Variants in NAALAD2 observed in about 807,000 individuals in gnomAD.
NAALAD2 encodes N-acetylated alpha-linked acidic dipeptidase 2.
In NAALAD2, 89 loss-of-function variants were observed where a neutral mutation model predicts 95.6. The observed-to-expected ratio is 0.93, with a 90% confidence interval of 0.78 to 1.11. NAALAD2 has a LOEUF of 1.11. Among genes scored for constraint, NAALAD2 ranks in the 50% least tolerant of loss-of-function variants. The probability of loss-of-function intolerance (pLI) is 0.00; values close to 1 mark genes in which losing one functional copy is unlikely to be tolerated. For missense variants in NAALAD2, 894 were observed against 872.4 expected, an observed-to-expected ratio of 1.02 and a Z score of -0.31; for synonymous variants, 264 against 294.4, an observed-to-expected ratio of 0.90 and a Z score of 1.06.
chr11:90,155,340 A>ATTATATATAATATATAATGTATAAT (rs1952039606), intron 6 of NAALAD2, among the ~76,000 whole-genome samples: 1 of 106,276 alleles, frequency 9.4e-6, no homozygotes, highest in East Asian at 3.0e-4. Flanking sequence ...GTATAATTAT[A>ATTATATATAATATATAATGTATAAT]TATATTATAT....
At chr11:90,139,655 C>T (rs1415441026) in intron 2 of NAALAD2, among the ~76,000 whole-genome samples, 1 of 152,076 alleles carries the variant, frequency 6.6e-6, no homozygotes, top group East Asian at 1.9e-4. Flanking sequence ...CTTTACCTTC[C>T]TTTTGCTTTA....
intron 18 of NAALAD2, among the ~76,000 whole-genome samples, chr11:90,184,749 G>C (rs1857076118): frequency 1.3e-5 from 2 of 151,908 alleles, no homozygotes; most frequent in South Asian, 4.2e-4. Flanking sequence ...TCAATGTTGA[G>C]TTTGGTGTAA....
chr11:90,143,139 A>G, intron 2 of NAALAD2, among the ~76,000 whole-genome samples: 1 of 152,120 alleles, frequency 6.6e-6, no homozygotes, highest in East Asian at 1.9e-4. Flanking sequence ...TAAAGTTAAA[A>G]TTAGTATTTC....
Position 90,158,250 on chromosome 11 carries a change from T to C in NAALAD2, c.890+12T>C, listed in dbSNP as rs1463089954. On this transcript the variant is annotated intron_variant, in intron 7 of 18. Transcript: ENST00000534061. ...GAAATATTATTACGGTATAGTTTTC[T>C]TGTTGGATATGAGATTAAGATATTT... The C allele has an allele frequency of 6.3e-7, 1 of 1,575,370 alleles. No individual in the cohort carries two copies. Among genetic ancestry groups the C allele is most frequent in the Non-Finnish European group, 8.7e-7 (1 of 1,146,166 alleles).
At chr11:90,180,864 T>C (rs537801273) in intron 16 of NAALAD2, among the ~76,000 whole-genome samples, 1 of 152,228 alleles carries the variant, frequency 6.6e-6, no homozygotes, top group East Asian at 1.9e-4. Context: ...TTTGTTGTGC[T>C]CTGAGCACTA....
Position 90,175,967 on chromosome 11 carries a change from T to C in NAALAD2, c.1503-5T>C. 2 of 1,573,208 alleles carry C rather than the reference T, an allele frequency of 1.3e-6. No individual in the cohort carries two copies. The highest frequency in any genetic ancestry group is 1.7e-6 in the Non-Finnish European group (2 of 1,144,340). ...GTGTGTGTGTGGATTGCATTCTACA[T>C]CTAGAATCAATAAGCTGGGATCTGG... On this transcript the variant is annotated splice_region_variant and splice_polypyrimidine_tract_variant and intron_variant, in intron 14 of 18. Coordinates refer to ENST00000534061, the MANE Select transcript of NAALAD2 (RefSeq NM_005467.4).
At chr11:90,182,101 G>A (rs1047290207) in intron 17 of NAALAD2, among the ~76,000 whole-genome samples, 18 of 151,994 alleles carry the variant, frequency 1.2e-4, no homozygotes, top group African/African-American at 4.8e-5. Context: ...GTTTAAGTGC[G>A]TTTGTAATAT....
intron 11 of NAALAD2, among the ~76,000 whole-genome samples, chr11:90,166,438 A>G (rs1040833663): frequency 6.6e-6 from 1 of 152,178 alleles, no homozygotes; most frequent in African/African-American, 2.4e-5. Context: ...TGGAAATTTT[A>G]TATTTCTCAC....
In NAALAD2 at chr11:90,192,083, TCCTATAA is replaced by T. The variant is rs1857345555; in HGVS notation, c.*337_*343del. On this transcript the variant is annotated 3_prime_UTR_variant, in exon 19 of 19. Transcript: ENST00000534061. Reference sequence around the variant, plus strand: ...CACTTTTGAAAACAGTTTGGCAGTTTCCTATAAAGTTAAACATACACTTTTACTTTAG... The same window carrying T: ...CACTTTTGAAAACAGTTTGGCAGTTTAGTTAAACATACACTTTTACTTTAG... 1 of 158,866 alleles carries T rather than the reference TCCTATAA, an allele frequency of 6.3e-6. No individual in the cohort carries two copies. The allele number at this position is 158,866 out of a possible 1,614,324, so 9.8% of individuals were successfully genotyped here.
At chr11:90,169,223 C>T (rs999309590) in intron 12 of NAALAD2, 1 of 358,886 alleles carries the variant, frequency 2.8e-6, no homozygotes, top group African/African-American at 2.1e-5. Flanking sequence ...TAAGCTATTG[C>T]TTTTAATTTC....
chr11:90,159,117 T>C (rs1445308089), intron 7 of NAALAD2, 122 bp from the exon 8 acceptor site: 3 of 768,848 alleles, frequency 3.9e-6, no homozygotes, highest in Non-Finnish European at 6.6e-6. Flanking sequence ...TGACAGTACC[T>C]GGCACTTAGT....
rs746818999 is a variant in NAALAD2 at position 90,163,053 on chromosome 11, T to A, written c.1075+19T>A. The A allele has an allele frequency of 2.7e-5, 40 of 1,498,336 alleles. No individual in the cohort carries two copies. The highest frequency in any genetic ancestry group is 3.8e-5 in the South Asian group (3 of 79,208). The allele number at this position is 1,498,336 out of a possible 1,614,324, so 92.8% of individuals were successfully genotyped here. A position where few individuals can be genotyped will look rare whatever the true frequency, so the allele number is the denominator to read the frequency against. ...GAACCTGGTGAGTCACATAATTTTT[T>A]AAAACATTTTGTTTTTACAAAAATT... On this transcript the variant is annotated intron_variant, in intron 9 of 18. Coordinates refer to ENST00000534061, the MANE Select transcript of NAALAD2 (RefSeq NM_005467.4).
Position 90,168,984 on chromosome 11 carries a change from C to CT in NAALAD2, c.1335dup (p.Ile446TyrfsTer10). 1 of 1,596,034 alleles carries CT rather than the reference C, an allele frequency of 6.3e-7. No individual in the cohort carries two copies. The highest frequency in any genetic ancestry group is 1.2e-5 in the South Asian group (1 of 86,496). On this transcript the variant is annotated frameshift_variant, in exon 12 of 19. Coordinates refer to ENST00000534061, the MANE Select transcript of NAALAD2 (RefSeq NM_005467.4). LOFTEE classifies it high-confidence loss of function. The stretch of plus-strand genomic sequence containing the variant: ...ATTGCTTATATCAACTCGGATTCAT[C>CT]TATAGAAGGTAAATTTTATTTCAAT...
chr11:90,164,092 C>T (rs555576028), intron 11 of NAALAD2: 1 of 184,440 alleles, frequency 5.4e-6, no homozygotes, highest in Non-Finnish European at 1.1e-5. Flanking sequence ...AAAATGGCAA[C>T]CATAAGTATA....
In NAALAD2 at chr11:90,135,616, T is replaced by C. The variant is rs1177305884; in HGVS notation, c.140T>C (p.Ile47Thr). Residue 47 changes from isoleucine (I) to threonine (T), a missense_variant, in exon 2 of 19, where the codon ATA becomes ACA. By Grantham distance (89) the Ile-to-Thr change is moderately conservative. Coordinates refer to ENST00000534061, the MANE Select transcript of NAALAD2 (RefSeq NM_005467.4). ...ACTTCTGTGCGCTATCATCAAAGTATACGGTGGAAACTGGTATCCGAAATG... is the reference window on the plus strand; with the variant it reads ...ACTTCTGTGCGCTATCATCAAAGTACACGGTGGAAACTGGTATCCGAAATG... ...TTTSVRYHQS[I>T]RWKLVSEMKA... The C allele has an allele frequency of 1.9e-6, 3 of 1,613,634 alleles. No homozygotes were observed. Among genetic ancestry groups the C allele is most frequent in the Non-Finnish European group, 2.5e-6 (3 of 1,179,806 alleles).
At chr11:90,191,247 A>G (rs1288651081) in intron 18 of NAALAD2, among the ~76,000 whole-genome samples, 2 of 152,142 alleles carry the variant, frequency 1.3e-5, no homozygotes, top group African/African-American at 2.4e-5. Flanking sequence ...CTTACATGTT[A>G]TCACCATATT....
At chr11:90,159,910 C>T (rs377583338) in intron 8 of NAALAD2, among the ~76,000 whole-genome samples, 72 of 109,978 alleles carry the variant, frequency 6.5e-4, no homozygotes, top group African/African-American at 1.8e-3. Flanking sequence ...GCTGAGATCG[C>T]GCCATTGCAC....
At chr11:90,148,862 T>C (rs976770797) in intron 3 of NAALAD2, 144 bp from the exon 4 acceptor site, 4 of 471,306 alleles carry the variant, frequency 8.5e-6, no homozygotes, top group African/African-American at 2.0e-5. Flanking sequence ...TAAGGCTCTT[T>C]CTCATTGTTG....
rs138741567 is a variant in NAALAD2, at chr11:90,146,936, A to G, written c.195-394A>G. On this transcript the variant is annotated intron_variant, in intron 2 of 18. Coordinates refer to ENST00000534061, the MANE Select transcript of NAALAD2 (RefSeq NM_005467.4). ...AACAGTAGAAATATATAAGATAAACATGGAAGTGCCCAAGTGGTCCCTGCG... is the reference window on the plus strand; with the variant it reads ...AACAGTAGAAATATATAAGATAAACGTGGAAGTGCCCAAGTGGTCCCTGCG... 1.5e-3 allele frequency among the ~76,000 whole-genome samples: 234 copies of G among 152,234 alleles called. 1 individual carries two copies. Among genetic ancestry groups the G allele is most frequent in the African/African-American group, 5.2e-3 (217 of 41,550 alleles).
Sources: allele counts gnomAD v4.1 joint callset (sites outside exome capture counted in the v4.1 genomes callset), GRCh38; gene constraint gnomAD v4.1.1; transcripts MANE v1.5; gene names NCBI Gene and HGNC (gene_info 2026-07-23, HGNC 2026-07-21).